Variants in VBP1 observed in about 807,000 individuals in gnomAD.
The protein encoded by VBP1 is prefoldin subunit 3.
A neutral mutation model predicts 15.5 loss-of-function variants in VBP1; 4 were observed. That is an observed-to-expected ratio of 0.26 (90% CI 0.13 to 0.59). VBP1 has a LOEUF of 0.59. Ranked by LOEUF, VBP1 falls within the 20% of genes least tolerant of loss-of-function variation. The pLI is 0.90. For missense variants in VBP1, 108 were observed against 139.6 expected (o/e 0.77, Z 1.14); for synonymous variants, 61 against 52.1 (o/e 1.17, Z -0.74).
At chrX:155,232,061 AC>A (rs1357705486) in intron 4 of VBP1, among the ~76,000 whole-genome samples, 1 of 111,826 alleles carries the variant, frequency 8.9e-6, no homozygotes, top group Non-Finnish European at 1.9e-5. Flanking sequence ...ATATAAAAAT[AC>A]CCTTTTATTA....
At chrX:155,232,550 GC>G (rs2074752457) in intron 4 of VBP1, among the ~76,000 whole-genome samples, 2 of 111,962 alleles carry the variant, frequency 1.8e-5, no homozygotes, top group South Asian at 7.4e-4. Context: ...CAAAAAGAGG[GC>G]CTCCCAATGG....
At chrX:155,226,426 T>A (rs1381649646) in intron 2 of VBP1, among the ~76,000 whole-genome samples, 3 of 112,091 alleles carry the variant, frequency 2.7e-5, no homozygotes, top group Non-Finnish European at 5.6e-5. Flanking sequence ...TTTTTTAAAT[T>A]TCTTGTGTTT....
intron 1 of VBP1, among the ~76,000 whole-genome samples, chrX:155,205,917 G>A (rs1282700483): frequency 8.9e-6 from 1 of 112,153 alleles, no homozygotes; most frequent in Non-Finnish European, 1.9e-5. Context: ...CCACTAAACT[G>A]CTAACGTAAA....
intron 4 of VBP1, among the ~76,000 whole-genome samples, chrX:155,235,236 T>C (rs1602896994): frequency 1.8e-5 from 2 of 110,410 alleles, no homozygotes; most frequent in South Asian, 7.6e-4. Flanking sequence ...TTTTTTTCTT[T>C]GTGGATTCTT....
At chrX:155,204,924 A>G (rs2074621377) in intron 1 of VBP1, among the ~76,000 whole-genome samples, 1 of 111,945 alleles carries the variant, frequency 8.9e-6, no homozygotes, top group Non-Finnish European at 1.9e-5. Context: ...TCTAGTCTAT[A>G]TTAATCAGGT....
chrX:155,215,158 T>C (rs2074657979), upstream of VBP1, among the ~76,000 whole-genome samples: 1 of 111,894 alleles, frequency 8.9e-6, no homozygotes, highest in Non-Finnish European at 1.9e-5. Flanking sequence ...ATCAGTGAAG[T>C]TGAACAAAAT....
At chrX:155,219,917 T>C (rs2074681002) in intron 1 of VBP1, among the ~76,000 whole-genome samples, 1 of 110,061 alleles carries the variant, frequency 9.1e-6, no homozygotes, top group East Asian at 2.8e-4. Flanking sequence ...TGGAGCATTT[T>C]GGACTTTGGA....
chrX:155,225,339 A>G (rs1174414943), intron 2 of VBP1, among the ~76,000 whole-genome samples: 4 of 111,488 alleles, frequency 3.6e-5, no homozygotes, highest in African/African-American at 1.3e-4. Flanking sequence ...GATTACAAGC[A>G]TGCACCACCA....
At chrX:155,201,964 T>C (rs1386964695) in intron 1 of VBP1, among the ~76,000 whole-genome samples, 4 of 111,040 alleles carry the variant, frequency 3.6e-5, no homozygotes, top group South Asian at 3.7e-4. Context: ...TATACACCAA[T>C]AACAGACAAA....
intron 2 of VBP1, among the ~76,000 whole-genome samples, chrX:155,223,452 C>T (rs1457011908): frequency 1.1e-4 from 12 of 110,271 alleles, no homozygotes; most frequent in Non-Finnish European, 1.3e-4. Context: ...CATCTTGCAC[C>T]GCCCTTAATC....
intron 1 of VBP1, 52 bp from the exon 2 acceptor site, chrX:155,220,131 T>A: frequency 8.9e-7 from 1 of 1,129,478 alleles, no homozygotes; most frequent in Non-Finnish European, 1.2e-6. Flanking sequence ...AGTCAAAAAA[T>A]CTGAGTGGCA....
intron 2 of VBP1, among the ~76,000 whole-genome samples, chrX:155,223,733 C>T (rs1212229828): frequency 2.7e-5 from 3 of 112,030 alleles, no homozygotes; most frequent in Admixed American, 1.9e-4. Flanking sequence ...GACGGGGTGG[C>T]GGCCGGGCAG....
At chrX:155,201,294 A>T (rs2074602599) in intron 1 of VBP1, among the ~76,000 whole-genome samples, 1 of 109,041 alleles carries the variant, frequency 9.2e-6, no homozygotes, top group Non-Finnish European at 1.9e-5. Context: ...AAAGCCGGGC[A>T]GAGACACAAC....
rs1384273122 is a variant in VBP1, at chrX:155,223,392, TGATGACTCTTAAC to T, written c.218+3088_218+3100del. Among the ~76,000 whole-genome samples, 6 of 108,680 alleles carry T rather than the reference TGATGACTCTTAAC, an allele frequency of 5.5e-5. No individual in the cohort carries two copies. In the Admixed American group the frequency reaches 5.9e-4, roughly 11 times the overall value. The allele number at this position is 108,680 out of a possible 115,157, so 94.4% of individuals were successfully genotyped here. ...CTGGGTACTTGAGATTAGGGAGTGGTGATGACTCTTAACGAGCATGCTGCCTTCAAGCATGTGT... is the reference window on the plus strand; with the variant it reads ...CTGGGTACTTGAGATTAGGGAGTGGTGAGCATGCTGCCTTCAAGCATGTGT... On this transcript the variant is annotated intron_variant, in intron 2 of 5. Transcript: ENST00000286428.
intron 4 of VBP1, among the ~76,000 whole-genome samples, chrX:155,230,758 A>C (rs2074742271): frequency 1.8e-5 from 2 of 108,667 alleles, no homozygotes; most frequent in Admixed American, 2.0e-4. Context: ...ATCTCAGCTC[A>C]CTGCAACCTC....
At chrX:155,201,297 G>C (rs2074602622) in intron 1 of VBP1, among the ~76,000 whole-genome samples, 1 of 108,352 alleles carries the variant, frequency 9.2e-6, no homozygotes. Context: ...GCCGGGCAGA[G>C]ACACAACAAA....
intron 4 of VBP1, 29 bp downstream of exon 4, chrX:155,228,511 A>G (rs2074730520): frequency 8.9e-7 from 1 of 1,129,884 alleles, no homozygotes; most frequent in African/African-American, 1.8e-5. Context: ...CACAGCTGAT[A>G]TATTTGTAAA....
At chrX:155,236,130 G>A in intron 4 of VBP1, 99 bp from the exon 5 acceptor site, 1 of 948,707 alleles carries the variant, frequency 1.1e-6, no homozygotes. Context: ...AAGGCAGCAA[G>A]CTGGATTTGA....
rs1013210673 is a variant in VBP1, at chrX:155,197,013, C to T, written c.-157C>T. 5.4e-5 allele frequency: 6 copies of T among 111,788 alleles called. 1 individual carries two copies. Among genetic ancestry groups the T allele is most frequent in the Non-Finnish European group, 1.1e-4 (6 of 52,911 alleles). 9.2% of individuals were successfully genotyped at this position (111,788 alleles called of 1,213,427 possible). A position where few individuals can be genotyped will look rare whatever the true frequency, so the allele number is the denominator to read the frequency against. On this transcript the variant is annotated 5_prime_UTR_variant, in exon 1 of 7. Coordinates refer to the VBP1 transcript ENST00000535916. ...GATTAAAGTTATGACTGGTATTACT[C>T]AGCTTTTCATCTGCTGTGTTGAAAG...
Sources: allele counts gnomAD v4.1 joint callset (sites outside exome capture counted in the v4.1 genomes callset), GRCh38; gene constraint gnomAD v4.1.1; transcripts MANE v1.5; gene names NCBI Gene and HGNC (gene_info 2026-07-23, HGNC 2026-07-21).